SIAE: variants seen among roughly 807,000 people sequenced by gnomAD.
SIAE encodes the protein sialate O-acetylesterase.
SIAE carries 39 observed loss-of-function variants against 52.6 expected under a neutral mutation model. That is an observed-to-expected ratio of 0.74 (90% confidence interval 0.57 to 0.97). SIAE has a LOEUF of 0.97. SIAE is among the 50% of genes least tolerant of loss of function. The probability of loss-of-function intolerance (pLI) is 0.00; values close to 1 mark genes in which losing one functional copy is unlikely to be tolerated. For missense variants in SIAE, 592 were observed against 662.1 expected, an observed-to-expected ratio of 0.89 and a Z score of 1.16; for synonymous variants, 233 against 241.4, an observed-to-expected ratio of 0.97 and a Z score of 0.32.
At chr11:124,667,875 C>T (rs1219837971) in intron 2 of SIAE, among the ~76,000 whole-genome samples, 4 of 152,152 alleles carry the variant, frequency 2.6e-5, no homozygotes, top group African/African-American at 9.7e-5. Context: ...TGCTAATTCT[C>T]ACCTTCCTGA....
In SIAE at chr11:124,644,779, C is replaced by T. The variant is rs2134360332; in HGVS notation, c.966+2586G>A. 2.6e-5 allele frequency among the ~76,000 whole-genome samples: 4 copies of T among 152,300 alleles called. No homozygotes were observed. The Middle Eastern group carries it at 0.01, about 389-fold the overall frequency. ...CCTCTTGCTGTTTCGCTCTCAGGCT[C>T]CAGGTGGCCTTTCTGCTAATAAGTC... On this transcript the variant is annotated intron_variant, in intron 7 of 9. Coordinates refer to ENST00000263593, the MANE Select transcript of SIAE (RefSeq NM_170601.5).
intron 7 of SIAE, among the ~76,000 whole-genome samples, chr11:124,643,835 C>T (rs1363521932): frequency 6.6e-6 from 1 of 152,176 alleles, no homozygotes; most frequent in Non-Finnish European, 1.5e-5. Flanking sequence ...AACTGGGAAG[C>T]AGTCTGGGCC....
Position 124,636,014 on chromosome 11 carries a change from C to G in SIAE, c.*937G>C, listed in dbSNP as rs1172526610. On this transcript the variant is annotated 3_prime_UTR_variant, in exon 10 of 10. Coordinates refer to ENST00000263593, the MANE Select transcript of SIAE (RefSeq NM_170601.5). Reference sequence around the variant, plus strand: ...CTTTTCTTCTTCCAAATGGATTATCCTTAAACCTTTTACCTTTAAAGAGCC... The same window carrying G: ...CTTTTCTTCTTCCAAATGGATTATCGTTAAACCTTTTACCTTTAAAGAGCC... The G allele has an allele frequency of 1.3e-5, 2 of 152,060 alleles. No homozygotes were observed. Among genetic ancestry groups the G allele is most frequent in the African/African-American group, 4.8e-5 (2 of 41,384 alleles). The allele number at this position is 152,060 out of a possible 1,614,324, so 9.4% of individuals were successfully genotyped here. A position where few individuals can be genotyped will look rare whatever the true frequency, so the allele number is the denominator to read the frequency against.
chr11:124,671,195 G>A (rs77357607), intron 1 of SIAE, among the ~76,000 whole-genome samples: 6,339 of 152,128 alleles, frequency 0.042, 456 homozygotes, highest in African/African-American at 0.14. Flanking sequence ...CTTCATAATC[G>A]TAGTATAAAC....
chr11:124,654,200 A>G lies in SIAE; in HGVS notation c.544+455T>C, dbSNP rs373448203. 1.6e-4 allele frequency: 159 copies of G among 983,714 alleles called. 2 individuals are homozygous for G. In the African/African-American group the frequency reaches 2.4e-3, roughly 15 times the overall value. The allele number at this position is 983,714 out of a possible 1,614,324, so 60.9% of individuals were successfully genotyped here. A position where few individuals can be genotyped will look rare whatever the true frequency, so the allele number is the denominator to read the frequency against. Reference sequence around the variant, plus strand: ...CTCAAAAAAAAGAAAAAGAAAAAAAAGAAATGGAGAGCTCATGCTGAATGG... The same window carrying G: ...CTCAAAAAAAAGAAAAAGAAAAAAAGGAAATGGAGAGCTCATGCTGAATGG... On this transcript the variant is annotated intron_variant, in intron 4 of 9. Transcript: ENST00000263593.
intron 2 of SIAE, among the ~76,000 whole-genome samples, chr11:124,662,105 AG>A (rs1565416616): frequency 6.6e-6 from 1 of 152,240 alleles, no homozygotes; most frequent in African/African-American, 2.4e-5. Flanking sequence ...TAAGCAACTA[AG>A]CTTGCTACTC....
At chr11:124,644,091 T>G (rs759366211) in intron 7 of SIAE, among the ~76,000 whole-genome samples, 5 of 152,122 alleles carry the variant, frequency 3.3e-5, no homozygotes, top group Non-Finnish European at 7.4e-5. Context: ...AAAGGAGCCT[T>G]GGATATGATA....
At chr11:124,653,868 T>C (rs11820639) in intron 4 of SIAE, among the ~76,000 whole-genome samples, 3,117 of 152,270 alleles carry the variant, frequency 0.02, 108 homozygotes, top group African/African-American at 0.069. Flanking sequence ...GCACAGATCC[T>C]GACACAAAGC....
At chr11:124,639,326 G>A (rs915341670) in intron 8 of SIAE, among the ~76,000 whole-genome samples, 2 of 152,152 alleles carry the variant, frequency 1.3e-5, no homozygotes, top group African/African-American at 2.4e-5. Flanking sequence ...GAAGTTAACC[G>A]TAGCCTTATG....
intron 7 of SIAE, 41 bp downstream of exon 7, chr11:124,647,324 A>C (rs756275418): frequency 1.2e-6 from 2 of 1,613,280 alleles, no homozygotes; most frequent in Non-Finnish European, 1.7e-6. Context: ...ACACAGGAAC[A>C]GGTGTTGACA....
chr11:124,664,556 T>C (rs1391368355), intron 2 of SIAE, among the ~76,000 whole-genome samples: 1 of 152,046 alleles, frequency 6.6e-6, no homozygotes, highest in Non-Finnish European at 1.5e-5. Context: ...TTTCTTATTG[T>C]TGCTCTTCTT....
At chr11:124,642,564 G>A (rs556670203) in intron 7 of SIAE, among the ~76,000 whole-genome samples, 1 of 152,328 alleles carries the variant, frequency 6.6e-6, no homozygotes, top group Non-Finnish European at 1.5e-5. Flanking sequence ...AAGGAGATGC[G>A]CAAAGAAGCT....
intron 2 of SIAE, among the ~76,000 whole-genome samples, chr11:124,669,101 C>T (rs61364022): frequency 0.04 from 6,090 of 152,252 alleles, 369 homozygotes; most frequent in African/African-American, 0.14. Flanking sequence ...GCATTCATCA[C>T]GCTGTCCTAT....
At chr11:124,662,067 G>C (rs1175382611) in intron 2 of SIAE, among the ~76,000 whole-genome samples, 1 of 152,208 alleles carries the variant, frequency 6.6e-6, no homozygotes, top group Non-Finnish European at 1.5e-5. Flanking sequence ...ATCAGAGGAA[G>C]GGTGCATGCT....
At chr11:124,671,688 G>A (rs1383508497) in intron 1 of SIAE, among the ~76,000 whole-genome samples, 1 of 152,176 alleles carries the variant, frequency 6.6e-6, no homozygotes, top group Non-Finnish European at 1.5e-5. Flanking sequence ...AAAAGAGAGA[G>A]AGAATGAGAA....
At chr11:124,637,906 C>T (rs1942779228) in intron 9 of SIAE, among the ~76,000 whole-genome samples, 1 of 152,214 alleles carries the variant, frequency 6.6e-6, no homozygotes, top group African/African-American at 2.4e-5. Context: ...TCTTTTCACA[C>T]ACCCCTTCCC....
chr11:124,636,901 A>G lies in SIAE; in HGVS notation c.*50T>C, dbSNP rs1942752413. 9.3e-6 allele frequency: 15 copies of G among 1,613,202 alleles called. No individual in the cohort carries two copies. Among genetic ancestry groups the G allele is most frequent in the Non-Finnish European group, 1.3e-5 (15 of 1,179,676 alleles). ...TTATTATTGAAACTCCTAAATGCTAAAATCTGAAGGACCCATCCTTATATC... is the reference window on the plus strand; with the variant it reads ...TTATTATTGAAACTCCTAAATGCTAGAATCTGAAGGACCCATCCTTATATC... On this transcript the variant is annotated 3_prime_UTR_variant, in exon 10 of 10. Transcript: ENST00000263593.
rs376576221 is a variant in SIAE at position 124,638,682 on chromosome 11, C to T, written c.1180G>A (p.Ala394Thr). 5.1e-5 allele frequency: 82 copies of T among 1,614,030 alleles called. No individual in the cohort carries two copies. The highest frequency in any genetic ancestry group is 6.7e-5 in the Non-Finnish European group (79 of 1,180,042). The change falls in exon 9 of 10, where the codon GCT (alanine) becomes ACT (threonine). Residue 394 changes from alanine (A) to threonine (T), a missense_variant. Transcript: ENST00000263593. ...AAATTCTTCTCACCATAAGCCAGAG[C>T]ACGGGCCCCCAAATGCAGCCGATAA... ...VAYRLHLGAR[A>T]LAYGEKNLTF...
intron 8 of SIAE, among the ~76,000 whole-genome samples, chr11:124,639,335 T>C (rs1204205562): frequency 6.6e-6 from 1 of 152,236 alleles, no homozygotes; most frequent in Non-Finnish European, 1.5e-5. Context: ...CGTAGCCTTA[T>C]GACTTGGTTT....
Sources: gnomAD v4.1 joint callset for allele counts (sites outside exome capture counted in the v4.1 genomes callset) on GRCh38, gnomAD v4.1.1 for gene constraint, MANE v1.5 for transcripts, NCBI Gene and HGNC (gene_info 2026-07-23, HGNC 2026-07-21) for gene names.